EIF2AK3: variants seen among roughly 807,000 people sequenced by gnomAD.
The protein encoded by EIF2AK3 is eukaryotic translation initiation factor 2-alpha kinase 3.
In EIF2AK3, 50 loss-of-function variants were observed where a neutral mutation model predicts 113.5. That is an observed-to-expected ratio of 0.44 (90% CI 0.35 to 0.56). EIF2AK3 has a LOEUF of 0.56. Ranked by LOEUF, EIF2AK3 falls within the 20% of genes least tolerant of loss-of-function variation. The pLI is 0.00. For missense variants in EIF2AK3, 1,185 were observed against 1,378.0 expected, an observed-to-expected ratio of 0.86 and a Z score of 2.22; for synonymous variants, 448 against 495.4, an observed-to-expected ratio of 0.90 and a Z score of 1.27.
chr2:88,558,613 C>T (rs1197557210), intron 16 of EIF2AK3, among the ~76,000 whole-genome samples: 1 of 152,138 alleles, frequency 6.6e-6, no homozygotes, highest in Non-Finnish European at 1.5e-5. Flanking sequence ...TTGACTTTTT[C>T]CAATTTGAAA....
chr2:88,584,199 G>GTCCT (rs1674663184), intron 9 of EIF2AK3, among the ~76,000 whole-genome samples: 2 of 152,084 alleles, frequency 1.3e-5, no homozygotes, highest in Non-Finnish European at 1.5e-5. Context: ...GGTAAACAGT[G>GTCCT]TAGACTGGTT....
At position 88,571,033 on chromosome 2, in the gene EIF2AK3, G is replaced by A; in HGVS notation, c.2826C>T (p.Asn942=). Residue 942 remains asparagine (N), a synonymous_variant, in exon 14 of 17, where the codon AAC becomes AAT. Transcript: ENST00000303236. ...GLMHRDLKPS[N]IFFTMDDVVK... is the part of the protein sequence containing the mutation. The stretch of plus-strand genomic sequence containing the variant: ...CCACATCATCCATTGTAAAGAATAT[G>A]TTGGATGGCTGGAAAGAATACAACA... 6.2e-7 allele frequency: 1 copy of A among 1,614,148 alleles called. No homozygotes were observed. The highest frequency in any genetic ancestry group is 1.1e-5 in the South Asian group (1 of 91,084).
intron 15 of EIF2AK3, among the ~76,000 whole-genome samples, chr2:88,559,803 T>C (rs1203175669): frequency 3.3e-5 from 5 of 152,236 alleles, no homozygotes; most frequent in Non-Finnish European, 7.3e-5. Flanking sequence ...TTCCTTGTAA[T>C]GGTTGAATAC....
At chr2:88,606,005 A>G (rs1328853557) in intron 2 of EIF2AK3, among the ~76,000 whole-genome samples, 1 of 152,196 alleles carries the variant, frequency 6.6e-6, no homozygotes, top group Non-Finnish European at 1.5e-5. Flanking sequence ...GTGATATGCT[A>G]TATGCTTAAA....
intron 1 of EIF2AK3, among the ~76,000 whole-genome samples, chr2:88,614,534 C>T (rs1675527280): frequency 6.6e-6 from 1 of 152,178 alleles, no homozygotes; most frequent in Non-Finnish European, 1.5e-5. Flanking sequence ...TACCTTGCTT[C>T]AGCTGCTCCT....
intron 2 of EIF2AK3, among the ~76,000 whole-genome samples, chr2:88,596,522 G>C (rs1675025831): frequency 6.6e-6 from 1 of 152,130 alleles, no homozygotes; most frequent in South Asian, 2.1e-4. Flanking sequence ...GCATGGGGTG[G>C]AGAGGGGATT....
At position 88,575,417 on chromosome 2, in the gene EIF2AK3, G is replaced by A; in HGVS notation, c.2066C>T (p.Pro689Leu). The change falls in exon 13 of 17, where the codon CCA (proline) becomes CTA (leucine). Residue 689 changes from proline to leucine, a missense_variant. By Grantham distance (98) the Pro-to-Leu change is moderately conservative. Transcript: ENST00000303236. ...TATTTTAACTGATGGTGCATCCATT[G>A]GGCTAGGAGAGCTGAGTGGCCAGTC... ...STDWPLSSPSPMDAPSVKIRR... is the reference protein window; with the variant it reads ...STDWPLSSPSLMDAPSVKIRR... 1.2e-6 allele frequency: 2 copies of A among 1,610,160 alleles called. No homozygotes were observed. The highest frequency in any genetic ancestry group is 1.7e-6 in the Non-Finnish European group (2 of 1,179,976).
rs751013573 is a variant in EIF2AK3 at position 88,575,384 on chromosome 2, A to T, written c.2099T>A (p.Met700Lys). 6.2e-7 allele frequency: 1 copy of T among 1,613,494 alleles called. No homozygotes were observed. Among genetic ancestry groups the T allele is most frequent in the East Asian group, 2.2e-5 (1 of 44,884 alleles). The stretch of plus-strand genomic sequence containing the variant: ...ATGTTCTTTTGTAGCGAAAGGATCC[A>T]TTCTGCGTATTTTAACTGATGGTGC... ...MDAPSVKIRR[M>K]DPFATKEHIE... is the part of the protein sequence containing the mutation. The change falls in exon 13 of 17, where the codon ATG becomes AAG. Residue 700 changes from methionine (M) to lysine (K), a missense_variant. Met to Lys is a moderately conservative substitution (Grantham distance 95). Transcript: ENST00000303236.
At position 88,589,011 on chromosome 2, in the gene EIF2AK3, T is replaced by C; in HGVS notation, c.1166-110A>G. On this transcript the variant is annotated intron_variant, in intron 6 of 16. Transcript: ENST00000303236. Reference sequence around the variant, plus strand: ...TATTTCTACATACACCACAAAACTCTTGTCAAAGAAGAAACATGCTTGAAG... The same window carrying C: ...TATTTCTACATACACCACAAAACTCCTGTCAAAGAAGAAACATGCTTGAAG... 3.9e-6 allele frequency: 5 copies of C among 1,285,136 alleles called. No individual in the cohort carries two copies. The East Asian group carries it at 1.0e-4, about 26-fold the overall frequency. The allele number at this position is 1,285,136 out of a possible 1,614,324, so 79.6% of individuals were successfully genotyped here. A position where few individuals can be genotyped will look rare whatever the true frequency, so the allele number is the denominator to read the frequency against.
At chr2:88,621,440 TAAC>T (rs1675719346) in intron 1 of EIF2AK3, among the ~76,000 whole-genome samples, 2 of 152,214 alleles carry the variant, frequency 1.3e-5, no homozygotes, top group South Asian at 4.1e-4. Context: ...GTTTCTACAT[TAAC>T]AACTGCTTAT....
In EIF2AK3 at chr2:88,627,264, G is replaced by C. The variant is rs1439564564; in HGVS notation, c.11C>G (p.Ala4Gly). The change falls in exon 1 of 17, where the codon GCC becomes GGC. Residue 4 changes from alanine (A) to glycine (G), a missense_variant. This residue lies in a region of EIF2AK3 where 189 missense variants were observed against 175.2 expected (regional missense o/e 1.08). Transcript: ENST00000303236. MER[A>G]ISPGLLVRAL... ...CCGTACCAGCAGCCCCGGGCTGATG[G>C]CGCGCTCCATCAGCGTCCCGCCCCG... The C allele has an allele frequency of 1.3e-6, 2 of 1,486,688 alleles. No homozygotes were observed. Among genetic ancestry groups the C allele is most frequent in the Non-Finnish European group, 1.8e-6 (2 of 1,124,534 alleles). The allele number at this position is 1,486,688 out of a possible 1,614,324, so 92.1% of individuals were successfully genotyped here. A position where few individuals can be genotyped will look rare whatever the true frequency, so the allele number is the denominator to read the frequency against.
chr2:88,627,133 C>G lies in EIF2AK3; in HGVS notation c.142G>C (p.Gly48Arg). Residue 48 changes from glycine (G) to arginine (R), a missense_variant, in exon 1 of 17, where the codon GGG becomes CGG. Gly to Arg is a moderately radical substitution (Grantham distance 125). Around this residue, in one of 3 missense-constraint regions of EIF2AK3, gnomAD observed 189 missense variants for 175.2 expected, o/e 1.08. Transcript: ENST00000303236. The stretch of plus-strand genomic sequence containing the variant: ...GCTGAGGTGGGAGCAGCGGCCGCCC[C>G]GAGGCCGAACGCCGCCTCCGCCGTC... ...APTAEAAFGL[G>R]AAAAPTSATR... 2 of 1,460,172 alleles carry G rather than the reference C, an allele frequency of 1.4e-6. No individual in the cohort carries two copies. The highest frequency in any genetic ancestry group is 2.4e-4 in the Middle Eastern group (1 of 4,200). The allele number at this position is 1,460,172 out of a possible 1,614,324, so 90.5% of individuals were successfully genotyped here.
At chr2:88,604,220 TTAC>T (rs1286128678) in intron 2 of EIF2AK3, among the ~76,000 whole-genome samples, 2 of 152,140 alleles carry the variant, frequency 1.3e-5, no homozygotes, top group Non-Finnish European at 2.9e-5. Context: ...CTAACATAGC[TTAC>T]TAGACCCTGC....
rs184515781 is a variant in EIF2AK3 at position 88,613,625 on chromosome 2, A to C, written c.438+99T>G. The C allele has an allele frequency of 1.6e-4, 213 of 1,295,410 alleles. No homozygotes were observed. The African/African-American group carries it at 2.7e-3, about 17-fold the overall frequency. 80.2% of individuals were successfully genotyped at this position (1,295,410 alleles called of 1,614,324 possible). A position where few individuals can be genotyped will look rare whatever the true frequency, so the allele number is the denominator to read the frequency against. On this transcript the variant is annotated intron_variant, in intron 2 of 16. Coordinates refer to ENST00000303236, the MANE Select transcript of EIF2AK3 (RefSeq NM_004836.7). ...GGGACACAAACTGTAAGAGGCAGAC[A>C]GGCCTCAAACCTGGGCAATAGGGCC...
chr2:88,589,903 T>C (rs1032826080), intron 6 of EIF2AK3, among the ~76,000 whole-genome samples: 10 of 152,090 alleles, frequency 6.6e-5, no homozygotes, highest in Admixed American at 4.6e-4. Flanking sequence ...GCCTTTCTAA[T>C]ATAGACCTCA....
chr2:88,610,175 T>C (rs1048204984), intron 2 of EIF2AK3, among the ~76,000 whole-genome samples: 19 of 152,138 alleles, frequency 1.2e-4, no homozygotes, highest in African/African-American at 4.6e-4. Flanking sequence ...CAATTTGCGC[T>C]TCACAGCTTC....
rs1674808650 is a variant in EIF2AK3, at chr2:88,588,878, G to C, written c.1189C>G (p.Leu397Val). 1 of 1,613,682 alleles carries C rather than the reference G, an allele frequency of 6.2e-7. No homozygotes were observed. Among genetic ancestry groups the C allele is most frequent in the Non-Finnish European group, 8.5e-7 (1 of 1,179,866 alleles). The change falls in exon 7 of 17, where the codon CTG becomes GTG. Residue 397 changes from leucine to valine, a missense_variant. By Grantham distance (32) the Leu-to-Val change is conservative (BLOSUM62 1). Around this residue, in one of 3 missense-constraint regions of EIF2AK3, gnomAD observed 877 missense variants for 1,024.2 expected, o/e 0.86. Transcript: ENST00000303236. Reference sequence around the variant, plus strand: ...TCTGAAATTCTGACTGATGACTGCAGATACAGCTGGCCTCTATACATTCCT... The same window carrying C: ...TCTGAAATTCTGACTGATGACTGCACATACAGCTGGCCTCTATACATTCCT... ...YLGMYRGQLYLQSSVRISEKF... is the reference protein window; with the variant it reads ...YLGMYRGQLYVQSSVRISEKF...
At chr2:88,574,642 G>T in intron 13 of EIF2AK3, 24 bp downstream of exon 13, 1 of 1,613,342 alleles carries the variant, frequency 6.2e-7, no homozygotes, top group South Asian at 1.1e-5. Flanking sequence ...GAAACCCCAA[G>T]GGTGATGCTC....
intron 1 of EIF2AK3, among the ~76,000 whole-genome samples, chr2:88,626,426 A>G (rs1414428253): frequency 6.6e-6 from 1 of 152,222 alleles, no homozygotes; most frequent in Non-Finnish European, 1.5e-5. Context: ...GGTAGGGCCT[A>G]GAAAACTGTA....
Sources: allele counts gnomAD v4.1 joint callset (sites outside exome capture counted in the v4.1 genomes callset), GRCh38; gene constraint gnomAD v4.1.1; regional missense constraint gnomAD v4.1.1; transcripts MANE v1.5; gene names NCBI Gene and HGNC (gene_info 2026-07-23, HGNC 2026-07-21).